The following MEIKIN variants were observed in gnomAD, a reference collection of about 807,000 sequenced individuals.
MEIKIN encodes meiosis-specific kinetochore protein.
intron 11 of MEIKIN, among the ~76,000 whole-genome samples, chr5:131,830,307 G>A (rs943567809): frequency 6.6e-6 from 1 of 152,334 alleles, no homozygotes; most frequent in Non-Finnish European, 1.5e-5. Flanking sequence ...TGAGGCGAGA[G>A]GATCAATTGA....
chr5:131,814,078 C>G (rs1486673700), intron 12 of MEIKIN, among the ~76,000 whole-genome samples: 1 of 151,908 alleles, frequency 6.6e-6, no homozygotes, highest in East Asian at 1.9e-4. Context: ...ATGCTGGTAG[C>G]TGATTAGATA....
intron 12 of MEIKIN, among the ~76,000 whole-genome samples, chr5:131,810,251 C>CGT (rs1772927950): frequency 6.6e-6 from 1 of 151,992 alleles, no homozygotes; most frequent in Non-Finnish European, 1.5e-5. Context: ...AGTTAAAGGC[C>CGT]GTGATTCTAC....
intron 11 of MEIKIN, among the ~76,000 whole-genome samples, chr5:131,842,500 T>TA (rs1333135185): frequency 6.6e-6 from 1 of 152,240 alleles, no homozygotes; most frequent in East Asian, 1.9e-4. Context: ...TGAGAGTTTT[T>TA]ATCATTAAAA....
chr5:131,868,797 G>A (rs927281831), intron 9 of MEIKIN, among the ~76,000 whole-genome samples: 1 of 151,666 alleles, frequency 6.6e-6, no homozygotes, highest in Non-Finnish European at 1.5e-5. Flanking sequence ...GCCTCCCAAA[G>A]TGCCAGGATT....
chr5:131,808,824 C>T (rs1772895486), intron 12 of MEIKIN, among the ~76,000 whole-genome samples: 1 of 152,070 alleles, frequency 6.6e-6, no homozygotes. Context: ...GCTTGTAATC[C>T]CAGCACTCTG....
intron 4 of MEIKIN, among the ~76,000 whole-genome samples, chr5:131,939,404 A>G (rs1751833364): frequency 6.6e-6 from 1 of 151,290 alleles, no homozygotes; most frequent in Non-Finnish European, 1.5e-5. Flanking sequence ...TAGGTCAATT[A>G]TAATTCATTA....
chr5:131,819,305 G>C (rs1749432458), intron 11 of MEIKIN, among the ~76,000 whole-genome samples: 1 of 151,164 alleles, frequency 6.6e-6, no homozygotes, highest in African/African-American at 2.4e-5. Flanking sequence ...ATAGTCTCCA[G>C]AATAAAAAAA....
intron 11 of MEIKIN, among the ~76,000 whole-genome samples, chr5:131,846,734 C>CT (rs1307492784): frequency 1.3e-5 from 2 of 152,102 alleles, no homozygotes; most frequent in Non-Finnish European, 2.9e-5. Flanking sequence ...ACTGGGAGGA[C>CT]TGCTTGAGCC....
At chr5:131,913,122 A>G (rs1374895757) in intron 7 of MEIKIN, among the ~76,000 whole-genome samples, 1 of 152,202 alleles carries the variant, frequency 6.6e-6, no homozygotes, top group Non-Finnish European at 1.5e-5. Context: ...AGGTTTACCT[A>G]TCACTGGAGC....
chr5:131,863,316 T>G (rs1463339146), intron 9 of MEIKIN, among the ~76,000 whole-genome samples: 1 of 152,176 alleles, frequency 6.6e-6, no homozygotes, highest in Admixed American at 6.5e-5. Flanking sequence ...CCATTTGGTC[T>G]AAAGTCCAGT....
At chr5:131,891,685 T>C (rs1415424908) in intron 8 of MEIKIN, among the ~76,000 whole-genome samples, 1 of 152,212 alleles carries the variant, frequency 6.6e-6, no homozygotes, top group Non-Finnish European at 1.5e-5. Flanking sequence ...CCAGTCTGTG[T>C]CTTTTAATTA....
chr5:131,853,851 G>A (rs1407793563), intron 10 of MEIKIN, among the ~76,000 whole-genome samples: 1 of 152,136 alleles, frequency 6.6e-6, no homozygotes, highest in Non-Finnish European at 1.5e-5. Flanking sequence ...ACAAGTGCTG[G>A]CAAGGAAGTA....
chr5:131,820,806 T>C (rs996992369), intron 11 of MEIKIN, among the ~76,000 whole-genome samples: 2 of 152,236 alleles, frequency 1.3e-5, no homozygotes, highest in Non-Finnish European at 2.9e-5. Flanking sequence ...GGCATATAGT[T>C]GCTCATAGTG....
chr5:131,866,076 G>A (rs13159408), intron 9 of MEIKIN, among the ~76,000 whole-genome samples: 1 of 152,228 alleles, frequency 6.6e-6, no homozygotes, highest in African/African-American at 2.4e-5. Context: ...GTGAATTCTA[G>A]AGTCCTTGTG....
At chr5:131,891,533 T>C (rs1463178074) in intron 8 of MEIKIN, among the ~76,000 whole-genome samples, 3 of 152,216 alleles carry the variant, frequency 2.0e-5, no homozygotes, top group South Asian at 2.1e-4. Flanking sequence ...GAGACGAGGA[T>C]TGCAACCCCT....
chr5:131,906,702 T>C (rs1395919731), intron 8 of MEIKIN, among the ~76,000 whole-genome samples: 3 of 152,146 alleles, frequency 2.0e-5, no homozygotes, highest in African/African-American at 7.2e-5. Flanking sequence ...AGAATAAGAA[T>C]ATGTCCTCAG....
chr5:131,941,747 T>C (rs1472768814), intron 4 of MEIKIN, among the ~76,000 whole-genome samples: 2 of 152,234 alleles, frequency 1.3e-5, no homozygotes, highest in Non-Finnish European at 2.9e-5. Flanking sequence ...AATGCACTCA[T>C]AACTTAATAT....
chr5:131,925,656 T>G (rs1433061436), intron 5 of MEIKIN, among the ~76,000 whole-genome samples: 1 of 151,976 alleles, frequency 6.6e-6, no homozygotes, highest in East Asian at 1.9e-4. Flanking sequence ...TCAAATAAGT[T>G]TTTGTGTTTT....
intron 8 of MEIKIN, among the ~76,000 whole-genome samples, chr5:131,880,783 T>G (rs1276789507): frequency 6.6e-6 from 1 of 152,226 alleles, no homozygotes. Context: ...TCTTATGTAT[T>G]CCTCAGCCTC....
Sources: gnomAD v4.1 joint callset for allele counts (sites outside exome capture counted in the v4.1 genomes callset) on GRCh38, gnomAD v4.1.1 for gene constraint, MANE v1.5 for transcripts, NCBI Gene and HGNC (gene_info 2026-07-23, HGNC 2026-07-21) for gene names.